Variants in PIGL observed in about 807,000 individuals in gnomAD.
The protein encoded by PIGL is phosphatidylinositol glycan anchor biosynthesis class L.
PIGL carries 22 observed loss-of-function variants against 31.1 expected under a neutral mutation model. The ratio of observed to expected loss-of-function variants is 0.71; its 90% confidence interval spans 0.51 to 1.01. PIGL has a LOEUF of 1.01. Ranked by LOEUF, PIGL falls within the 50% of genes least tolerant of loss-of-function variation. The pLI, the probability that PIGL is intolerant of heterozygous loss-of-function variation, is 0.00. For synonymous variants in PIGL, 131 were observed against 117.4 expected, an observed-to-expected ratio of 1.12 and a Z score of -0.75; for missense variants, 302 against 315.9, an observed-to-expected ratio of 0.96 and a Z score of 0.33.
intron 2 of PIGL, among the ~76,000 whole-genome samples, chr17:16,245,059 C>A (rs2092738778): frequency 6.6e-6 from 1 of 151,660 alleles, no homozygotes; most frequent in Non-Finnish European, 1.5e-5. Context: ...ATGGTGCAAT[C>A]TCGGCTCACT....
intron 2 of PIGL, among the ~76,000 whole-genome samples, chr17:16,267,634 GC>G (rs2092850290): frequency 1.3e-5 from 2 of 151,254 alleles, no homozygotes; most frequent in Non-Finnish European, 2.9e-5. Context: ...AACCCAGACT[GC>G]AGTGGGCTAT....
intron 2 of PIGL, among the ~76,000 whole-genome samples, chr17:16,271,534 C>G (rs1315681886): frequency 6.7e-6 from 1 of 148,866 alleles, no homozygotes; most frequent in Non-Finnish European, 1.5e-5. Context: ...TCACATAGAA[C>G]ACTTTTTTTT....
intron 2 of PIGL, among the ~76,000 whole-genome samples, chr17:16,258,060 T>C (rs2092801956): frequency 1.0e-5 from 1 of 97,078 alleles, no homozygotes; most frequent in Non-Finnish European, 1.8e-5. Context: ...CAAAACTTTG[T>C]CAGAAAGAAA....
At chr17:16,317,333 C>G in intron 5 of PIGL, 3 of 973,456 alleles carry the variant, frequency 3.1e-6, no homozygotes, top group Non-Finnish European at 3.7e-6. Context: ...TCCTGTGAGA[C>G]AGGCAGGTCT....
At chr17:16,306,943 C>T (rs1477830427) in intron 3 of PIGL, among the ~76,000 whole-genome samples, 6 of 152,272 alleles carry the variant, frequency 3.9e-5, no homozygotes, top group South Asian at 2.1e-4. Context: ...GGCTCGGCTG[C>T]GACTGCCCAG....
At chr17:16,264,796 A>C (rs2092835314) in intron 2 of PIGL, among the ~76,000 whole-genome samples, 1 of 149,794 alleles carries the variant, frequency 6.7e-6, no homozygotes, top group Non-Finnish European at 1.5e-5. Context: ...ACAGGTGCCC[A>C]CCACCACGTC....
intron 2 of PIGL, among the ~76,000 whole-genome samples, chr17:16,286,984 AT>A (rs1451368008): frequency 8.5e-5 from 13 of 152,172 alleles, no homozygotes; most frequent in African/African-American, 2.7e-4. Context: ...ACTTGTATTC[AT>A]GTTTATATCC....
intron 6 of PIGL, among the ~76,000 whole-genome samples, chr17:16,322,259 A>G (rs967405455): frequency 4.0e-5 from 6 of 151,716 alleles, no homozygotes; most frequent in Non-Finnish European, 8.8e-5. Flanking sequence ...TCGCCCGGCT[A>G]ATTTTTGTAT....
At chr17:16,319,172 C>T (rs2093091749) in intron 6 of PIGL, among the ~76,000 whole-genome samples, 1 of 147,574 alleles carries the variant, frequency 6.8e-6, no homozygotes, top group Admixed American at 6.8e-5. Context: ...TTGCAATGAA[C>T]CCTGATCATA....
At chr17:16,317,468 A>T in intron 5 of PIGL, 6 of 1,099,140 alleles carry the variant, frequency 5.5e-6, no homozygotes, top group Non-Finnish European at 6.7e-6. Context: ...CAATACAGTA[A>T]TTCCTGTCTC....
chr17:16,282,021 T>C, intron 2 of PIGL: 1 of 518,188 alleles, frequency 1.9e-6, no homozygotes, highest in Non-Finnish European at 4.0e-6. Flanking sequence ...TAAGAGGGTG[T>C]TGATCAGCAG....
intron 5 of PIGL, chr17:16,316,956 GC>G: frequency 1.5e-6 from 2 of 1,294,860 alleles, no homozygotes; most frequent in East Asian, 2.9e-5. Context: ...AACCTGTCTA[GC>G]TTTTTCACAG....
At chr17:16,315,383 G>A (rs1305262877) in intron 4 of PIGL, among the ~76,000 whole-genome samples, 1 of 152,166 alleles carries the variant, frequency 6.6e-6, no homozygotes, top group Non-Finnish European at 1.5e-5. Flanking sequence ...TCACTGCAAT[G>A]CTGCTTTGAC....
At chr17:16,224,936 G>A (rs1380807661) in intron 1 of PIGL, among the ~76,000 whole-genome samples, 3 of 152,180 alleles carry the variant, frequency 2.0e-5, no homozygotes, top group Non-Finnish European at 2.9e-5. Flanking sequence ...GATTACAGGC[G>A]TGAGCCACAG....
intron 6 of PIGL, chr17:16,324,287 T>C (rs906454403): frequency 6.6e-6 from 1 of 152,096 alleles, no homozygotes; most frequent in African/African-American, 2.4e-5. Flanking sequence ...TATCTTATAA[T>C]GTCTCTCTTT....
At chr17:16,264,911 G>A (rs1229926495) in intron 2 of PIGL, among the ~76,000 whole-genome samples, 1 of 152,156 alleles carries the variant, frequency 6.6e-6, no homozygotes, top group South Asian at 2.1e-4. Flanking sequence ...ACAGGCGTGA[G>A]CCACCGCGCC....
chr17:16,311,089 G>A (rs959360247), intron 3 of PIGL, among the ~76,000 whole-genome samples: 4 of 152,068 alleles, frequency 2.6e-5, no homozygotes, highest in African/African-American at 7.2e-5. Flanking sequence ...GACCAAGAGC[G>A]AATCCCTTCC....
chr17:16,228,161 C>T (rs1023394559), intron 1 of PIGL, among the ~76,000 whole-genome samples: 8 of 150,296 alleles, frequency 5.3e-5, no homozygotes, highest in African/African-American at 4.9e-5. Flanking sequence ...AAGCAATTCT[C>T]CTACCTCAGC....
At chr17:16,241,114 CAAAA>C (rs35578509) in intron 2 of PIGL, among the ~76,000 whole-genome samples, 2 of 52,996 alleles carry the variant, frequency 3.8e-5, no homozygotes, top group East Asian at 6.6e-4. Context: ...AACTCCCTCT[CAAAA>C]AAAAAAAAAA....
Sources: gnomAD v4.1 joint callset for allele counts (sites outside exome capture counted in the v4.1 genomes callset) on GRCh38, gnomAD v4.1.1 for gene constraint, MANE v1.5 for transcripts, NCBI Gene and HGNC (gene_info 2026-07-23, HGNC 2026-07-21) for gene names.